MIR2052HG: variants seen among roughly 807,000 people sequenced by gnomAD.
MIR2052HG encodes the protein MIR2052 host gene.
At chr8:74,629,258 T>C (rs1018778601) in intron 2 of MIR2052HG, among the ~76,000 whole-genome samples, 1 of 152,148 alleles carries the variant, frequency 6.6e-6, no homozygotes, top group Non-Finnish European at 1.5e-5. Flanking sequence ...AGCACTTTCA[T>C]AGCAGTTTAC....
At chr8:74,711,950 T>A (rs778996196) in intron 4 of MIR2052HG, among the ~76,000 whole-genome samples, 2 of 152,176 alleles carry the variant, frequency 1.3e-5, no homozygotes, top group African/African-American at 2.4e-5. Context: ...AAGAAGCAGA[T>A]GGGAGGCTTC....
intron 4 of MIR2052HG, among the ~76,000 whole-genome samples, chr8:74,726,564 T>C (rs1809638404): frequency 6.6e-6 from 1 of 152,148 alleles, no homozygotes; most frequent in African/African-American, 2.4e-5. Context: ...AGTGGGAAGG[T>C]GTCACACAAA....
intron 4 of MIR2052HG, among the ~76,000 whole-genome samples, chr8:74,720,522 C>T (rs1409558409): frequency 1.3e-5 from 2 of 152,124 alleles, no homozygotes; most frequent in African/African-American, 4.8e-5. Flanking sequence ...CATAAATACA[C>T]AATTATCTCT....
At position 74,703,507 on chromosome 8, in the gene MIR2052HG, C is replaced by T. The variant is rs1001932289; in HGVS notation, n.295-99C>T. ...GATGACTGTACTCCATGGATAACAGCAGGATTTAGGGCAATCAGGAGATAA... is the reference window on the plus strand; with the variant it reads ...GATGACTGTACTCCATGGATAACAGTAGGATTTAGGGCAATCAGGAGATAA... On this transcript the variant is annotated intron_variant and non_coding_transcript_variant, in intron 3 of 6. Transcript: ENST00000523442. The T allele has an allele frequency of 6.6e-5, 22 of 330,874 alleles. No homozygotes were observed. The Admixed American group carries it at 7.3e-4, about 11-fold the overall frequency. The allele number at this position is 330,874 out of a possible 1,614,324, so 20.5% of individuals were successfully genotyped here.
chr8:74,676,534 A>G (rs1809054858), intron 2 of MIR2052HG, among the ~76,000 whole-genome samples: 1 of 151,870 alleles, frequency 6.6e-6, no homozygotes, highest in South Asian at 2.1e-4. Context: ...AACAAAACTA[A>G]CCAATCCAAA....
At chr8:74,692,921 A>T (rs551145945) in intron 2 of MIR2052HG, among the ~76,000 whole-genome samples, 61 of 152,354 alleles carry the variant, frequency 4.0e-4, no homozygotes, top group African/African-American at 1.4e-3. Context: ...TTCTCGGGGT[A>T]TGATTTGGTC....
intron 2 of MIR2052HG, among the ~76,000 whole-genome samples, chr8:74,619,509 T>A (rs1808331871): frequency 6.6e-6 from 1 of 152,346 alleles, no homozygotes; most frequent in South Asian, 2.1e-4. Flanking sequence ...AGACTCATAG[T>A]TCTGCATTGC....
chr8:74,641,658 GT>G (rs1008952403), intron 2 of MIR2052HG, among the ~76,000 whole-genome samples: 1 of 151,370 alleles, frequency 6.6e-6, no homozygotes, highest in Non-Finnish European at 1.5e-5. Flanking sequence ...ATTTCATGGG[GT>G]TTTTTTTGGT....
intron 4 of MIR2052HG, among the ~76,000 whole-genome samples, chr8:74,706,496 C>T (rs982757674): frequency 5.9e-5 from 9 of 152,004 alleles, no homozygotes; most frequent in East Asian, 1.9e-4. Flanking sequence ...CTTTCTATAG[C>T]GAAATTCAGG....
At chr8:74,668,134 G>A (rs1199121538) in intron 2 of MIR2052HG, among the ~76,000 whole-genome samples, 3 of 151,756 alleles carry the variant, frequency 2.0e-5, no homozygotes, top group African/African-American at 4.8e-5. Flanking sequence ...AGAAGAAGTG[G>A]CTTTGCTGAT....
At chr8:74,640,163 A>G (rs1421149986) in intron 2 of MIR2052HG, among the ~76,000 whole-genome samples, 1 of 152,174 alleles carries the variant, frequency 6.6e-6, no homozygotes, top group Non-Finnish European at 1.5e-5. Flanking sequence ...TGCGGAAATA[A>G]GGGTAGACAC....
intron 1 of MIR2052HG, among the ~76,000 whole-genome samples, chr8:74,604,629 T>TG (rs1193365806): frequency 6.9e-6 from 1 of 144,348 alleles, no homozygotes; most frequent in Non-Finnish European, 1.5e-5. Context: ...GTCTTGCTCT[T>TG]GTTGCCCAGG....
rs549376701 is a variant in MIR2052HG, at chr8:74,624,030, C to G, written n.216+11090C>G. The stretch of plus-strand genomic sequence containing the variant: ...TTGGCATTCTGGATGTAGTACCTTT[C>G]CAAAAGCTATTTATGGCATGACCAA... On this transcript the variant is annotated intron_variant and non_coding_transcript_variant, in intron 2 of 6. Coordinates refer to ENST00000523442, the Ensembl canonical transcript of MIR2052HG. Among the ~76,000 whole-genome samples, 13 of 152,286 alleles carry G rather than the reference C, an allele frequency of 8.5e-5. No individual in the cohort carries two copies. In the East Asian group the frequency reaches 2.1e-3, roughly 25 times the overall value.
rs189511679 is a variant in MIR2052HG, at chr8:74,686,680, A to G, written n.217-15699A>G. On this transcript the variant is annotated intron_variant and non_coding_transcript_variant, in intron 2 of 6. Coordinates refer to ENST00000523442, the Ensembl canonical transcript of MIR2052HG. ...ATGTCATCAAGCCGTTTTGAAGGTT[A>G]AGTAAGGCATATATGTATATTGCTT... 1.9e-3 allele frequency among the ~76,000 whole-genome samples: 290 copies of G among 152,190 alleles called. 1 individual carries two copies. The highest frequency in any genetic ancestry group is 6.5e-3 in the African/African-American group (272 of 41,556).
intron 2 of MIR2052HG, among the ~76,000 whole-genome samples, chr8:74,642,917 G>A (rs1341182730): frequency 6.6e-6 from 1 of 152,156 alleles, no homozygotes; most frequent in Admixed American, 6.6e-5. Flanking sequence ...TACCAGCACT[G>A]GATAGTTTTA....
At chr8:74,756,669 A>G (rs1418662546) in intron 5 of MIR2052HG, 3 of 152,248 alleles carry the variant, frequency 2.0e-5, no homozygotes, top group Non-Finnish European at 4.4e-5. Context: ...TTCAATGGTC[A>G]TGCTTTTCCA....
At chr8:74,609,506 A>T (rs1388238601) in intron 1 of MIR2052HG, among the ~76,000 whole-genome samples, 2 of 151,870 alleles carry the variant, frequency 1.3e-5, no homozygotes, top group Non-Finnish European at 3.0e-5. Context: ...AGAAAATTGC[A>T]TGCCAATATT....
chr8:74,750,652 A>G (rs1809935026), intron 4 of MIR2052HG, among the ~76,000 whole-genome samples: 1 of 152,222 alleles, frequency 6.6e-6, no homozygotes, highest in Admixed American at 6.5e-5. Flanking sequence ...AATTTACTGT[A>G]AGAAAAGTTA....
chr8:74,648,951 A>C (rs950955884), intron 2 of MIR2052HG, among the ~76,000 whole-genome samples: 2 of 152,144 alleles, frequency 1.3e-5, no homozygotes, highest in African/African-American at 2.4e-5. Flanking sequence ...CTCTTAGGAA[A>C]GAAAGGACAC....
Sources: gnomAD v4.1 joint callset for allele counts (sites outside exome capture counted in the v4.1 genomes callset) on GRCh38, gnomAD v4.1.1 for gene constraint, MANE v1.5 for transcripts, NCBI Gene and HGNC (gene_info 2026-07-23, HGNC 2026-07-21) for gene names.